PCDH9: variants seen among roughly 807,000 people sequenced by gnomAD.
PCDH9 encodes protocadherin 9.
A neutral mutation model predicts 70.6 loss-of-function variants in PCDH9; 24 were observed. The observed-to-expected ratio is 0.34, with a 90% CI of 0.25 to 0.48. PCDH9 has a LOEUF of 0.48. Ranked by LOEUF, PCDH9 falls within the 20% of genes least tolerant of loss-of-function variation. The probability of loss-of-function intolerance (pLI) is 0.99; values close to 1 mark genes in which losing one functional copy is unlikely to be tolerated. For synonymous variants in PCDH9, 562 were observed against 558.5 expected (o/e 1.01, Z -0.09); for missense variants, 1,281 against 1,503.6 (o/e 0.85, Z 2.45).
intron 2 of PCDH9, among the ~76,000 whole-genome samples, chr13:67,062,849 T>C (rs1011209057): frequency 6.6e-6 from 1 of 152,304 alleles, no homozygotes; most frequent in Admixed American, 6.5e-5. Flanking sequence ...AAAAATAGGA[T>C]ATATTCATTT....
intron 3 of PCDH9, among the ~76,000 whole-genome samples, chr13:66,652,910 A>G (rs931022661): frequency 1.3e-5 from 2 of 152,180 alleles, no homozygotes; most frequent in East Asian, 1.9e-4. Flanking sequence ...TAGTCTCTTC[A>G]ATAAAAGATG....
At chr13:66,511,524 C>G (rs919052837) in intron 4 of PCDH9, among the ~76,000 whole-genome samples, 3 of 151,902 alleles carry the variant, frequency 2.0e-5, no homozygotes, top group Admixed American at 6.6e-5. Flanking sequence ...GGTAGTGGTG[C>G]TATCAATTGA....
chr13:66,661,361 C>T (rs1273010459), intron 3 of PCDH9, among the ~76,000 whole-genome samples: 1 of 152,090 alleles, frequency 6.6e-6, no homozygotes, highest in Non-Finnish European at 1.5e-5. Flanking sequence ...TTCTCATTAC[C>T]CCTCACCAGC....
intron 4 of PCDH9, among the ~76,000 whole-genome samples, chr13:66,502,585 TAAAAGGATGTGA>T (rs1959182312): frequency 6.6e-6 from 1 of 152,116 alleles, no homozygotes; most frequent in East Asian, 1.9e-4. Flanking sequence ...CTGTGTATTG[TAAAAGGATGTGA>T]AGGCTACAGA....
chr13:66,305,093 T>C, intron 4 of PCDH9, 65 bp from the exon 5 acceptor site: 2 of 1,400,630 alleles, frequency 1.4e-6, no homozygotes, highest in South Asian at 1.4e-5. Flanking sequence ...TAGAATTATC[T>C]TAGAGAAAAA....
At chr13:66,865,239 C>T (rs193287834) in intron 3 of PCDH9, among the ~76,000 whole-genome samples, 113 of 152,144 alleles carry the variant, frequency 7.4e-4, no homozygotes, top group Non-Finnish European at 1.5e-3. Flanking sequence ...CATTAAAATC[C>T]GTTGTACTCA....
chr13:67,140,027 C>CT (rs1396286854), intron 2 of PCDH9, among the ~76,000 whole-genome samples: 3 of 38,720 alleles, frequency 7.7e-5, no homozygotes, highest in Admixed American at 3.2e-4. Context: ...TTTTGATCAC[C>CT]CCCCCCCCCC....
At chr13:67,188,926 C>T (rs1409090685) in intron 2 of PCDH9, among the ~76,000 whole-genome samples, 2 of 151,862 alleles carry the variant, frequency 1.3e-5, no homozygotes, top group Non-Finnish European at 1.5e-5. Context: ...AGTCTTTTAT[C>T]CCTCACCCAC....
chr13:67,173,175 A>C (rs1158586430), intron 2 of PCDH9, among the ~76,000 whole-genome samples: 2 of 152,134 alleles, frequency 1.3e-5, no homozygotes, highest in Non-Finnish European at 2.9e-5. Flanking sequence ...CAACAACAAA[A>C]ATAAAGCAAG....
chr13:66,479,183 G>A (rs1024677022), intron 4 of PCDH9, among the ~76,000 whole-genome samples: 6 of 152,150 alleles, frequency 3.9e-5, no homozygotes, highest in African/African-American at 1.4e-4. Flanking sequence ...ACTATTTCAA[G>A]CCCACCATTG....
chr13:66,366,830 A>C (rs529600112), intron 4 of PCDH9, among the ~76,000 whole-genome samples: 1 of 152,112 alleles, frequency 6.6e-6, no homozygotes, highest in Non-Finnish European at 1.5e-5. Context: ...ATATGTGATT[A>C]TACTTAAATT....
chr13:67,194,321 A>C (rs1236087409), intron 2 of PCDH9, among the ~76,000 whole-genome samples: 3 of 152,030 alleles, frequency 2.0e-5, no homozygotes, highest in Admixed American at 2.0e-4. Context: ...GGGGACAAAA[A>C]TTCAATCATG....
Position 66,429,273 on chromosome 13 carries a change from A to C in PCDH9, c.3341-124245T>G, listed in dbSNP as rs17081278. Among the ~76,000 whole-genome samples the C allele has an allele frequency of 4.7e-3, 720 of 151,930 alleles. 6 individuals are homozygous for C. The highest frequency in any genetic ancestry group is 0.017 in the African/African-American group (695 of 41,494). ...AAGAGAGATTAATAAGAATGTACCC[A>C]AAAGAATTCAGTGTATAGAAAAAAA... On this transcript the variant is annotated intron_variant, in intron 4 of 4. Coordinates refer to ENST00000377865, the MANE Select transcript of PCDH9 (RefSeq NM_203487.3).
At chr13:67,038,359 T>C (rs1207006554) in intron 2 of PCDH9, among the ~76,000 whole-genome samples, 1 of 152,176 alleles carries the variant, frequency 6.6e-6, no homozygotes, top group African/African-American at 2.4e-5. Context: ...AAAAAGATAT[T>C]TTAAGATCAC....
intron 2 of PCDH9, among the ~76,000 whole-genome samples, chr13:66,963,823 G>A (rs2083388483): frequency 6.6e-6 from 1 of 152,088 alleles, no homozygotes. Context: ...TAAAAGCAGA[G>A]AAACTTGTTT....
intron 3 of PCDH9, among the ~76,000 whole-genome samples, chr13:66,734,024 T>C (rs886919142): frequency 6.6e-6 from 1 of 152,170 alleles, no homozygotes; most frequent in Non-Finnish European, 1.5e-5. Flanking sequence ...GGTCAGGGGC[T>C]GGCCACTCTG....
intron 4 of PCDH9, among the ~76,000 whole-genome samples, chr13:66,491,570 C>T (rs1039568911): frequency 1.3e-5 from 2 of 151,992 alleles, no homozygotes; most frequent in Non-Finnish European, 2.9e-5. Flanking sequence ...CTCTTTAGTT[C>T]GTATACTTTC....
intron 4 of PCDH9, among the ~76,000 whole-genome samples, chr13:66,431,534 A>T (rs2138376475): frequency 6.6e-6 from 1 of 152,206 alleles, no homozygotes; most frequent in Admixed American, 6.6e-5. Context: ...TTGTAAGTCC[A>T]CAGGGGATAT....
intron 2 of PCDH9, among the ~76,000 whole-genome samples, chr13:66,960,485 C>T (rs1041232264): frequency 2.0e-5 from 3 of 152,034 alleles, no homozygotes; most frequent in Admixed American, 2.0e-4. Context: ...TTTCAAAGGG[C>T]CACAGTGGTT....
Sources: allele counts gnomAD v4.1 joint callset (sites outside exome capture counted in the v4.1 genomes callset), GRCh38; gene constraint gnomAD v4.1.1; transcripts MANE v1.5; gene names NCBI Gene and HGNC (gene_info 2026-07-23, HGNC 2026-07-21).